FES: variants seen among roughly 807,000 people sequenced by gnomAD.
FES encodes the protein tyrosine-protein kinase Fes/Fps.
A neutral mutation model predicts 109.6 loss-of-function variants in FES; 83 were observed. The ratio of observed to expected loss-of-function variants is 0.76; its 90% CI spans 0.63 to 0.91. The LOEUF is 0.91. Among genes scored for constraint, FES ranks in the 40% least tolerant of loss-of-function variants. The pLI is 0.00. For synonymous variants in FES, 458 were observed against 442.1 expected (o/e 1.04, Z -0.45); for missense variants, 943 against 1,070.9 (o/e 0.88, Z 1.67).
In FES at chr15:90,887,334, C is replaced by T. The variant is rs2032745991; in HGVS notation, c.632C>T (p.Ser211Leu). The change falls in exon 5 of 19, where the codon TCA (serine) becomes TTA (leucine). Residue 211 changes from serine to leucine, a missense_variant. Physicochemically the swap from Ser to Leu is moderately radical, Grantham distance 145 (BLOSUM62 -2). Coordinates refer to ENST00000328850, the MANE Select transcript of FES (RefSeq NM_002005.4). ...CTCCTGCTGCCCGGCCTGCTGCGGT[C>T]ACTGCAGGACCTGCACGAGGAGATG... ...HQLLLPGLLR[S>L]LQDLHEEMAC... 1 of 1,612,916 alleles carries T rather than the reference C, an allele frequency of 6.2e-7. No homozygotes were observed. Among genetic ancestry groups the T allele is most frequent in the Middle Eastern group, 1.7e-4 (1 of 6,040 alleles).
chr15:90,890,556 A>C, intron 10 of FES, 72 bp downstream of exon 10: 2 of 1,396,338 alleles, frequency 1.4e-6, no homozygotes, highest in East Asian at 4.7e-5. Flanking sequence ...CCTAGAGAGG[A>C]GGCTCTGCCC....
chr15:90,891,953 C>T, intron 12 of FES, 105 bp from the exon 13 acceptor site: 1 of 1,285,170 alleles, frequency 7.8e-7, no homozygotes, highest in Middle Eastern at 1.9e-4. Flanking sequence ...TGGTCCCACC[C>T]CTGGTCACAT....
chr15:90,885,693 G>C, intron 3 of FES, 108 bp downstream of exon 3: 2 of 1,470,832 alleles, frequency 1.4e-6, no homozygotes, highest in East Asian at 2.5e-5. Flanking sequence ...GTAAGTCCCT[G>C]ACCGCAGGCC....
In FES at chr15:90,887,321, G is replaced by C; in HGVS notation, c.619G>C (p.Gly207Arg). The change falls in exon 5 of 19, where the codon GGC (glycine) becomes CGC (arginine). Residue 207 changes from glycine to arginine, a missense_variant. Coordinates refer to ENST00000328850, the MANE Select transcript of FES (RefSeq NM_002005.4). ...GCACCACCACCAGCTCCTGCTGCCC[G>C]GCCTGCTGCGGTCACTGCAGGACCT... ...HQHHHQLLLP[G>R]LLRSLQDLHE... 4.3e-6 allele frequency: 7 copies of C among 1,613,062 alleles called. No individual in the cohort carries two copies. The highest frequency in any genetic ancestry group is 5.1e-6 in the Non-Finnish European group (6 of 1,180,022).
Position 90,890,104 on chromosome 15 carries a change from G to A in FES, c.1062G>A (p.Leu354=). 6.4e-7 allele frequency: 1 copy of A among 1,560,348 alleles called. No homozygotes were observed. Among genetic ancestry groups the A allele is most frequent in the Non-Finnish European group, 8.6e-7 (1 of 1,156,302 alleles). The change falls in exon 9 of 19, where the codon CTG becomes CTA. Residue 354 remains leucine (L), a synonymous_variant. Coordinates refer to ENST00000328850, the MANE Select transcript of FES (RefSeq NM_002005.4). ...CCCCTGCCTGCAGGGTGCAGCTGCT[G>A]GGCAAGAGGCAAGTGCTGCAAGAAG... is the stretch of plus-strand genomic sequence containing the variant. ...NTHPRERVQL[L]GKRQVLQEAL... is the part of the protein sequence containing the mutation.
At chr15:90,884,643 G>A in intron 1 of FES, 99 bp downstream of exon 1, 1 of 169,852 alleles carries the variant, frequency 5.9e-6, no homozygotes, top group Non-Finnish European at 1.3e-5. Context: ...CACCCAGGTG[G>A]GGGTAGGGGC....
In FES at chr15:90,891,792, G is replaced by A; in HGVS notation, c.1653+116G>A. On this transcript the variant is annotated intron_variant, in intron 12 of 18. Coordinates refer to ENST00000328850, the MANE Select transcript of FES (RefSeq NM_002005.4). ...TTCCAGGCCCTCCGTCTACATACAA[G>A]ATGCAGAGTGAGTGACCCTCAGGGC... 4 of 1,439,634 alleles carry A rather than the reference G, an allele frequency of 2.8e-6. No individual in the cohort carries two copies. The South Asian group carries it at 5.1e-5, about 18-fold the overall frequency. The allele number at this position is 1,439,634 out of a possible 1,614,324, so 89.2% of individuals were successfully genotyped here. A position where few individuals can be genotyped will look rare whatever the true frequency, so the allele number is the denominator to read the frequency against.
intron 3 of FES, among the ~76,000 whole-genome samples, chr15:90,886,351 T>C (rs1225591947): frequency 6.6e-6 from 1 of 152,252 alleles, no homozygotes; most frequent in African/African-American, 2.4e-5. Context: ...AGAGGCTCTA[T>C]GGCCTACAAG....
chr15:90,893,248 G>A (rs1422876344), intron 15 of FES, 43 bp from the exon 16 acceptor site: 2 of 1,613,058 alleles, frequency 1.2e-6, no homozygotes, highest in East Asian at 2.2e-5. Context: ...TCAGGTGGCA[G>A]CCTTACCTCA....
rs143126007 is a variant in FES, at chr15:90,891,916, C to T, written c.1654-142C>T. 470 of 1,119,318 alleles carry T rather than the reference C, an allele frequency of 4.2e-4. 3 individuals carry two copies. The highest frequency in any genetic ancestry group is 3.8e-4 in the Non-Finnish European group (289 of 764,274). 69.3% of individuals were successfully genotyped at this position (1,119,318 alleles called of 1,614,324 possible). A position where few individuals can be genotyped will look rare whatever the true frequency, so the allele number is the denominator to read the frequency against. On this transcript the variant is annotated intron_variant, in intron 12 of 18. Transcript: ENST00000328850. ...CTGGTCAGGGCACCTGCCTGGACCC[C>T]GTAGTCATCTCAGTGTGCTCCCCAC... is the stretch of plus-strand genomic sequence containing the variant.
Position 90,892,053 on chromosome 15 carries a change from C to A in FES, c.1654-5C>A, listed in dbSNP as rs768738534. The A allele has an allele frequency of 6.2e-7, 1 of 1,614,004 alleles. No homozygotes were observed. Among genetic ancestry groups the A allele is most frequent in the Non-Finnish European group, 8.5e-7 (1 of 1,179,990 alleles). ...TTCTGATCCCCTGTCTCCTCTCTTC[C>A]CCAGGACAAGTGGGTGCTGAACCAT... On this transcript the variant is annotated splice_region_variant and splice_polypyrimidine_tract_variant and intron_variant, in intron 12 of 18. Coordinates refer to ENST00000328850, the MANE Select transcript of FES (RefSeq NM_002005.4).
chr15:90,892,587 TG>T, intron 13 of FES, 119 bp from the exon 14 acceptor site: 2 of 847,258 alleles, frequency 2.4e-6, no homozygotes, highest in South Asian at 1.8e-5. Flanking sequence ...CCAGAGAGCC[TG>T]GGTGAGGGGT....
Position 90,894,049 on chromosome 15 carries a change from G to A in FES, c.2317G>A (p.Val773Met). 2 of 1,613,722 alleles carry A rather than the reference G, an allele frequency of 1.2e-6. No individual in the cohort carries two copies. Among genetic ancestry groups the A allele is most frequent in the South Asian group, 2.2e-5 (2 of 91,088 alleles). The stretch of plus-strand genomic sequence containing the variant: ...CAGCAATCAGCAGACACGGGAGTTT[G>A]TGGAGAAGGGTAAGCACCCTGTGAT... ...NLSNQQTREF[V>M]EKGGRLPCPE... is the part of the protein sequence containing the mutation. Residue 773 changes from valine (V) to methionine (M), a missense_variant, in exon 18 of 19, where the codon GTG becomes ATG. Val to Met is a conservative substitution (Grantham distance 21). Coordinates refer to ENST00000328850, the MANE Select transcript of FES (RefSeq NM_002005.4).
At position 90,885,555 on chromosome 15, in the gene FES, G is replaced by A. The variant is rs1317958944; in HGVS notation, c.357G>A (p.Gln119=). ...AGCTTCGCAAGACCTACAGCGAGCA[G>A]TGGCAGCAGCTGCAGCAGGAGCTCA... The part of the protein sequence containing the change: ...RQQLRKTYSE[Q]WQQLQQELTK... Residue 119 remains glutamine (Q), a synonymous_variant, in exon 3 of 19, where the codon CAG becomes CAA. Coordinates refer to ENST00000328850, the MANE Select transcript of FES (RefSeq NM_002005.4). The A allele has an allele frequency of 1.2e-5, 19 of 1,613,082 alleles. No individual in the cohort carries two copies. The highest frequency in any genetic ancestry group is 1.4e-5 in the Non-Finnish European group (17 of 1,180,010).
rs749382966 is a variant in FES, at chr15:90,885,523, C to T, written c.325C>T (p.Arg109Trp). ...CAAGCTGAGCCTGCTCATCCGGGAACGGCAGCAGCTTCGCAAGACCTACAG... is the reference window on the plus strand; with the variant it reads ...CAAGCTGAGCCTGCTCATCCGGGAATGGCAGCAGCTTCGCAAGACCTACAG... ...LSKLSLLIRE[R>W]QQLRKTYSEQ... The change falls in exon 3 of 19, where the codon CGG becomes TGG. Residue 109 changes from arginine (R) to tryptophan (W), a missense_variant. Transcript: ENST00000328850. 23 of 1,613,132 alleles carry T rather than the reference C, an allele frequency of 1.4e-5. No homozygotes were observed. Among genetic ancestry groups the T allele is most frequent in the African/African-American group, 4.0e-5 (3 of 74,936 alleles).
rs765947794 is a variant in FES at position 90,889,521 on chromosome 15, G to A, written c.811G>A (p.Ala271Thr). The part of the protein sequence containing the change: ...YQGFLRQYGS[A>T]PDVPPCVTFD... Reference sequence around the variant, plus strand: ...ACGGGGCGCTGTCCCCCACAGGTCCGCACCTGACGTCCCACCCTGTGTCAC... The same window carrying A: ...ACGGGGCGCTGTCCCCCACAGGTCCACACCTGACGTCCCACCCTGTGTCAC... Residue 271 changes from alanine to threonine, a missense_variant, in exon 7 of 19, where the codon GCA (alanine) becomes ACA (threonine). Physicochemically the swap from Ala to Thr is moderately conservative, Grantham distance 58. Transcript: ENST00000328850. The surrounding 1 kb of genome is among the most constrained non-coding windows in gnomAD (Gnocchi z 6.1). 16 of 1,613,842 alleles carry A rather than the reference G, an allele frequency of 9.9e-6. No homozygotes were observed. The highest frequency in any genetic ancestry group is 8.9e-5 in the East Asian group (4 of 44,862).
rs1227136096 is a variant in FES, at chr15:90,887,384, C to G, written c.668+14C>G. On this transcript the variant is annotated intron_variant, in intron 5 of 18. Coordinates refer to ENST00000328850, the MANE Select transcript of FES (RefSeq NM_002005.4). ...GGCTTGCATCCTGTAAGCCCGCAGC[C>G]CCGTCCCCTGGCCCCCACCCTTGAG... 2 of 1,599,158 alleles carry G rather than the reference C, an allele frequency of 1.3e-6. No homozygotes were observed. Among genetic ancestry groups the G allele is most frequent in the Non-Finnish European group, 1.7e-6 (2 of 1,171,620 alleles).
rs1596094100 is a variant in FES, at chr15:90,886,978, T to C, written c.405T>C (p.Ile135=). 2 of 1,614,022 alleles carry C rather than the reference T, an allele frequency of 1.2e-6. No individual in the cohort carries two copies. Among genetic ancestry groups the C allele is most frequent in the East Asian group, 4.5e-5 (2 of 44,880 alleles). The change falls in exon 4 of 19, where the codon ATT becomes ATC. Residue 135 remains isoleucine, a synonymous_variant. Coordinates refer to ENST00000328850, the MANE Select transcript of FES (RefSeq NM_002005.4). ...QELTKTHSQD[I]EKLKSQYRAL... The stretch of plus-strand genomic sequence containing the variant: ...CTCCCTAGACCCACAGCCAGGACAT[T>C]GAGAAGCTGAAGAGCCAGTACCGAG...
intron 5 of FES, 123 bp downstream of exon 5, chr15:90,887,493 G>C: frequency 9.6e-7 from 1 of 1,038,622 alleles, no homozygotes; most frequent in Non-Finnish European, 1.4e-6. Flanking sequence ...AACCACATGA[G>C]AACGGGACCT....
Sources: allele counts gnomAD v4.1 joint callset (sites outside exome capture counted in the v4.1 genomes callset), GRCh38; gene constraint gnomAD v4.1.1; non-coding constraint Gnocchi (gnomAD v3.1); transcripts MANE v1.5; gene names NCBI Gene and HGNC (gene_info 2026-07-23, HGNC 2026-07-21).